BRD10: variants seen among roughly 807,000 people sequenced by gnomAD.
The protein encoded by BRD10 is bromodomain containing 10, also known as uncharacterized bromodomain-containing protein 10.
At chr9:5,924,333 A>G in the BRD10 span, among the ~76,000 whole-genome samples, 1 of 151,752 alleles carries the variant, frequency 6.6e-6, no homozygotes, top group Admixed American at 6.6e-5. Flanking sequence ...TGCCCAGTCT[A>G]GAAAGCAGTG....
At chr9:5,998,866 T>C in the BRD10 span, among the ~76,000 whole-genome samples, 1 of 152,072 alleles carries the variant, frequency 6.6e-6, no homozygotes, top group Non-Finnish European at 1.5e-5. Context: ...AGGATTTAGA[T>C]AAACTTAAGA....
the BRD10 span, among the ~76,000 whole-genome samples, chr9:5,904,435 T>C: frequency 2.1e-3 from 325 of 152,338 alleles, no homozygotes; most frequent in Middle Eastern, 0.02. Flanking sequence ...ACATTTTATA[T>C]GATTCCATTT....
the BRD10 span, among the ~76,000 whole-genome samples, chr9:5,979,448 G>A: frequency 2.6e-5 from 4 of 151,942 alleles, no homozygotes; most frequent in South Asian, 8.3e-4. Context: ...GGGAGGTGGA[G>A]TCTGCAGTGA....
chr9:5,950,706 C>T, the BRD10 span, among the ~76,000 whole-genome samples: 1 of 152,096 alleles, frequency 6.6e-6, no homozygotes, highest in Non-Finnish European at 1.5e-5. Flanking sequence ...AATATACAGT[C>T]GTCCCTCGGT....
chr9:5,923,196 A>G, the BRD10 span: 1 of 1,613,912 alleles, frequency 6.2e-7, no homozygotes, highest in South Asian at 1.1e-5. Context: ...GTTTGTTTGG[A>G]CTGTCGTTTA....
chr9:5,896,047 ACT>A, the BRD10 span, among the ~76,000 whole-genome samples: 4 of 152,056 alleles, frequency 2.6e-5, no homozygotes, highest in African/African-American at 9.7e-5. Flanking sequence ...GGAAAGAGTG[ACT>A]CTGCAGGAAA....
the BRD10 span, among the ~76,000 whole-genome samples, chr9:5,982,185 T>C: frequency 6.6e-6 from 1 of 152,166 alleles, no homozygotes; most frequent in African/African-American, 2.4e-5. Flanking sequence ...ATGACCACTT[T>C]TTGTGGTCAT....
the BRD10 span, among the ~76,000 whole-genome samples, chr9:5,999,521 T>C: frequency 6.6e-6 from 1 of 152,090 alleles, no homozygotes; most frequent in African/African-American, 2.4e-5. Context: ...ATTTCATCTA[T>C]GCATCCCTTG....
At chr9:5,902,659 A>T in the BRD10 span, among the ~76,000 whole-genome samples, 2 of 149,828 alleles carry the variant, frequency 1.3e-5, no homozygotes, top group Non-Finnish European at 3.0e-5. Context: ...TCCAGGTCTG[A>T]TTAATTTTCT....
At chr9:5,928,533 C>T in the BRD10 span, among the ~76,000 whole-genome samples, 1 of 152,180 alleles carries the variant, frequency 6.6e-6, no homozygotes, top group African/African-American at 2.4e-5. Flanking sequence ...TCTCTTCACT[C>T]GCTCTGCTCT....
the BRD10 span, among the ~76,000 whole-genome samples, chr9:5,966,616 T>C: frequency 6.6e-6 from 1 of 151,890 alleles, no homozygotes; most frequent in East Asian, 1.9e-4. Context: ...CATGCCACCA[T>C]GCCCAGCTAA....
chr9:5,905,589 C>T, the BRD10 span, among the ~76,000 whole-genome samples: 1 of 152,136 alleles, frequency 6.6e-6, no homozygotes, highest in Non-Finnish European at 1.5e-5. Context: ...TTGCAGACTC[C>T]CTTACCTTAA....
chr9:5,983,452 AAAAGAAT>A, the BRD10 span, among the ~76,000 whole-genome samples: 410 of 152,364 alleles, frequency 2.7e-3, no homozygotes, highest in Middle Eastern at 6.8e-3. Flanking sequence ...GCCAAGAAGC[AAAAGAAT>A]ATAACTAGGA....
chr9:6,002,050 A>G, the BRD10 span, among the ~76,000 whole-genome samples: 1 of 152,234 alleles, frequency 6.6e-6, no homozygotes, highest in African/African-American at 2.4e-5. Flanking sequence ...ATATTTCAGG[A>G]TGTTGTGAAA....
At chr9:5,886,008 T>C in the BRD10 span, among the ~76,000 whole-genome samples, 1 of 152,240 alleles carries the variant, frequency 6.6e-6, no homozygotes, top group Non-Finnish European at 1.5e-5. Context: ...CAGGGGCTTG[T>C]AGCCTTCCCA....
At chr9:5,951,800 G>A in the BRD10 span, among the ~76,000 whole-genome samples, 1 of 151,990 alleles carries the variant, frequency 6.6e-6, no homozygotes, top group African/African-American at 2.4e-5. Context: ...TTATTAATGT[G>A]TGTATTTGAA....
At chr9:5,894,339 G>C in the BRD10 span, among the ~76,000 whole-genome samples, 8 of 152,112 alleles carry the variant, frequency 5.3e-5, no homozygotes, top group Non-Finnish European at 8.8e-5. The surrounding 1 kb of genome is among the most constrained non-coding windows in gnomAD (Gnocchi z 4.0). Flanking sequence ...ATAAGAAGCT[G>C]GTTAAACAGG....
chr9:5,960,518 C>T, the BRD10 span, among the ~76,000 whole-genome samples: 4 of 149,800 alleles, frequency 2.7e-5, no homozygotes, highest in Non-Finnish European at 5.9e-5. Flanking sequence ...GCAGAGAATG[C>T]GCCAATGCAC....
the BRD10 span, chr9:5,919,543 AACACACACACACACAC>A: frequency 9.1e-5 from 36 of 396,888 alleles, no homozygotes; most frequent in Admixed American, 2.1e-4. Flanking sequence ...GATACATTAA[AACACACACACACACAC>A]ACACACACAC....
Sources: gnomAD v4.1 joint callset for allele counts (sites outside exome capture counted in the v4.1 genomes callset) on GRCh38, gnomAD v4.1.1 for gene constraint, Gnocchi (gnomAD v3.1) non-coding constraint, MANE v1.5 for transcripts, NCBI Gene and HGNC (gene_info 2026-07-23, HGNC 2026-07-21) for gene names.